Variants in FRAS1 observed in about 807,000 individuals in gnomAD.
The protein encoded by FRAS1 is Fraser extracellular matrix complex subunit 1.
In FRAS1, 290 loss-of-function variants were observed where a neutral mutation model predicts 435.2. That is an observed-to-expected ratio of 0.67 (90% CI 0.61 to 0.73). The LOEUF (loss-of-function observed/expected upper bound fraction) is 0.73, where lower values mean the gene tolerates loss of function less well. FRAS1 is among the 30% of genes least tolerant of loss of function. FRAS1 has a pLI of 0.00. For synonymous variants in FRAS1, 1,800 were observed against 1,851.0 expected, an observed-to-expected ratio of 0.97 and a Z score of 0.71; for missense variants, 4,860 against 5,001.5, an observed-to-expected ratio of 0.97 and a Z score of 0.85.
In FRAS1 at chr4:78,539,282, C is replaced by T; in HGVS notation, c.11299-12C>T. On this transcript the variant is annotated splice_polypyrimidine_tract_variant and intron_variant, in intron 72 of 73. Transcript: ENST00000512123. ...TTTCTAAATCTTGCATTTCTTTTTTCTGAAATCCTAGGACCGCAATCAGCC... is the reference window on the plus strand; with the variant it reads ...TTTCTAAATCTTGCATTTCTTTTTTTTGAAATCCTAGGACCGCAATCAGCC... The T allele has an allele frequency of 1.3e-6, 2 of 1,593,284 alleles. No homozygotes were observed. The highest frequency in any genetic ancestry group is 1.9e-5 in the Admixed American group (1 of 53,888).
chr4:78,407,692 G>T lies in FRAS1; in HGVS notation c.4159G>T (p.Ala1387Ser), dbSNP rs200689785. 9.7e-4 allele frequency: 1,562 copies of T among 1,613,220 alleles called. 4 individuals carry two copies. The highest frequency in any genetic ancestry group is 1.7e-3 in the Middle Eastern group (10 of 6,052). ...GGTGGTCCTTCTAGTGAATATGCCTGCAGACAGCCCTGCAGATGAAGGGCA... is the reference window on the plus strand; with the variant it reads ...GGTGGTCCTTCTAGTGAATATGCCTTCAGACAGCCCTGCAGATGAAGGGCA... Reference protein sequence around the residue: ...GEVVLLVNMPADSPADEGQHL... With the variant: ...GEVVLLVNMPSDSPADEGQHL... Residue 1387 changes from alanine to serine, a missense_variant, in exon 31 of 74, where the codon GCA becomes TCA. Coordinates refer to ENST00000512123, the MANE Select transcript of FRAS1 (RefSeq NM_025074.7).
chr4:78,507,416 C>T lies in FRAS1; in HGVS notation c.9317-5C>T, dbSNP rs780710065. ...TGCTCTCTTTTTGTTCTGTCCTTGGCGAAGGTGTGGATCATATCTTTTTTA... is the reference window on the plus strand; with the variant it reads ...TGCTCTCTTTTTGTTCTGTCCTTGGTGAAGGTGTGGATCATATCTTTTTTA... On this transcript the variant is annotated splice_region_variant and splice_polypyrimidine_tract_variant and intron_variant, in intron 61 of 73. Coordinates refer to ENST00000512123, the MANE Select transcript of FRAS1 (RefSeq NM_025074.7). 22 of 1,605,706 alleles carry T rather than the reference C, an allele frequency of 1.4e-5. No individual in the cohort carries two copies. Among genetic ancestry groups the T allele is most frequent in the Admixed American group, 1.4e-4 (8 of 58,504 alleles).
intron 1 of FRAS1, among the ~76,000 whole-genome samples, chr4:78,064,966 T>C (rs750777914): frequency 4.4e-4 from 66 of 151,316 alleles, no homozygotes; most frequent in South Asian, 8.3e-4. Flanking sequence ...TGCCCATCTC[T>C]TTCTAAGTTA....
intron 61 of FRAS1, among the ~76,000 whole-genome samples, chr4:78,506,109 C>G (rs1163460390): frequency 1.3e-5 from 2 of 152,208 alleles, no homozygotes; most frequent in Non-Finnish European, 2.9e-5. Context: ...GCTGCCTGAT[C>G]CTTCCTCTGG....
intron 35 of FRAS1, 107 bp from the exon 36 acceptor site, chr4:78,428,988 G>A: frequency 8.4e-7 from 1 of 1,186,242 alleles, no homozygotes; most frequent in Non-Finnish European, 1.2e-6. Context: ...ACATATTTGT[G>A]GAAACTGCCT....
At chr4:78,431,767 A>G (rs1734230303) in intron 37 of FRAS1, among the ~76,000 whole-genome samples, 2 of 152,084 alleles carry the variant, frequency 1.3e-5, no homozygotes, top group Non-Finnish European at 2.9e-5. Flanking sequence ...ATTTTCCACA[A>G]AGGTATGTGA....
At position 78,515,826 on chromosome 4, in the gene FRAS1, A is replaced by G; in HGVS notation, c.10202A>G (p.Tyr3401Cys). The part of the protein sequence containing the change: ...SEAGFLDDVV[Y>C]DSTALGPGYD... ...GCAGGGTTCCTGGATGATGTGGTCT[A>G]TGATAGCACTGCCCTGGGGCCTGGC... The change falls in exon 66 of 74, where the codon TAT becomes TGT. Residue 3401 changes from tyrosine to cysteine, a missense_variant. Tyr to Cys is a radical substitution (Grantham distance 194). Transcript: ENST00000512123. 2.5e-6 allele frequency: 4 copies of G among 1,614,008 alleles called. No individual in the cohort carries two copies. The South Asian group carries it at 4.4e-5, about 18-fold the overall frequency.
At chr4:78,498,039 A>AT (rs1720556747) in intron 60 of FRAS1, among the ~76,000 whole-genome samples, 1 of 152,196 alleles carries the variant, frequency 6.6e-6, no homozygotes, top group South Asian at 2.1e-4. Context: ...GAGGTGAACA[A>AT]TGAGAACACA....
intron 2 of FRAS1, among the ~76,000 whole-genome samples, chr4:78,161,519 G>A (rs1274766537): frequency 2.0e-5 from 3 of 151,864 alleles, no homozygotes; most frequent in African/African-American, 7.3e-5. Flanking sequence ...CAGGGCAGTT[G>A]ATTCAGAATA....
chr4:78,060,082 A>C (rs1039526560), intron 1 of FRAS1, among the ~76,000 whole-genome samples: 9 of 152,184 alleles, frequency 5.9e-5, no homozygotes, highest in African/African-American at 1.9e-4. Context: ...GAATGAATGA[A>C]TGAACATGGC....
intron 17 of FRAS1, 24 bp downstream of exon 17, chr4:78,317,532 C>T (rs762339153): frequency 6.3e-7 from 1 of 1,595,984 alleles, no homozygotes; most frequent in Non-Finnish European, 8.5e-7. Context: ...CACCATCATT[C>T]TTGAGAGGCT....
Position 78,475,571 on chromosome 4 carries a change from C to G in FRAS1, c.7816C>G (p.Pro2606Ala). ...ASSSSRVSSQPGQQDYVEYAG... is the reference protein window; with the variant it reads ...ASSSSRVSSQAGQQDYVEYAG... Reference sequence around the variant, plus strand: ...CTCCAGCTCCAGGGTCAGCTCCCAACCTGGGCAACAGGACTATGTAGAGTA... The same window carrying G: ...CTCCAGCTCCAGGGTCAGCTCCCAAGCTGGGCAACAGGACTATGTAGAGTA... The change falls in exon 54 of 74, where the codon CCT (proline) becomes GCT (alanine). Residue 2606 changes from proline to alanine, a missense_variant. By Grantham distance (27) the Pro-to-Ala change is conservative. Coordinates refer to ENST00000512123, the MANE Select transcript of FRAS1 (RefSeq NM_025074.7). 6.2e-7 allele frequency: 1 copy of G among 1,612,984 alleles called. No homozygotes were observed. The highest frequency in any genetic ancestry group is 8.5e-7 in the Non-Finnish European group (1 of 1,179,290).
At chr4:78,333,231 G>A in intron 18 of FRAS1, 41 bp from the exon 19 acceptor site, 1 of 1,583,700 alleles carries the variant, frequency 6.3e-7, no homozygotes, top group Middle Eastern at 2.3e-4. Context: ...GTGTCACGTG[G>A]GGCTTTCCTG....
At chr4:78,433,606 A>G (rs1447622823) in intron 38 of FRAS1, among the ~76,000 whole-genome samples, 1 of 152,208 alleles carries the variant, frequency 6.6e-6, no homozygotes, top group African/African-American at 2.4e-5. Flanking sequence ...TCCTTTCTTC[A>G]GTTATGGGAG....
At chr4:78,478,815 C>T (rs991319685) in intron 55 of FRAS1, among the ~76,000 whole-genome samples, 1 of 152,180 alleles carries the variant, frequency 6.6e-6, no homozygotes, top group African/African-American at 2.4e-5. Context: ...ACAAGCAAGC[C>T]TCATTGATTG....
At chr4:78,286,574 C>T (rs1237491796) in intron 14 of FRAS1, 35 bp downstream of exon 14, 3 of 1,602,934 alleles carry the variant, frequency 1.9e-6, no homozygotes, top group South Asian at 2.2e-5. Flanking sequence ...GGGCCAGCTA[C>T]CAAGACAGCT....
intron 63 of FRAS1, among the ~76,000 whole-genome samples, 174 bp downstream of exon 63, chr4:78,509,180 T>C (rs1275752930): frequency 1.3e-5 from 2 of 152,232 alleles, no homozygotes; most frequent in African/African-American, 4.8e-5. Flanking sequence ...TATGCTGTAA[T>C]AGAAAACTAA....
At chr4:78,520,391 C>G (rs1721351043) in intron 67 of FRAS1, among the ~76,000 whole-genome samples, 1 of 151,632 alleles carries the variant, frequency 6.6e-6, no homozygotes, top group Non-Finnish European at 1.5e-5. Context: ...GGTGCTTTAT[C>G]TGGGGCAAAC....
rs547806551 is a variant in FRAS1, at chr4:78,213,715, T to C, written c.109-23795T>C. Among the ~76,000 whole-genome samples, 7 of 152,304 alleles carry C rather than the reference T, an allele frequency of 4.6e-5. No individual in the cohort carries two copies. In the East Asian group the frequency reaches 1.4e-3, roughly 29 times the overall value. ...GAGACTACAGAGAGGAAGAAGTTGA[T>C]AGACAGTTGCCCAAAATGGCTTTAA... is the stretch of plus-strand genomic sequence containing the variant. On this transcript the variant is annotated intron_variant, in intron 2 of 73. Coordinates refer to ENST00000512123, the MANE Select transcript of FRAS1 (RefSeq NM_025074.7).
Sources: gnomAD v4.1 joint callset for allele counts (sites outside exome capture counted in the v4.1 genomes callset) on GRCh38, gnomAD v4.1.1 for gene constraint, MANE v1.5 for transcripts, NCBI Gene and HGNC (gene_info 2026-07-23, HGNC 2026-07-21) for gene names.